Variants in GRIA4 observed in about 807,000 individuals in gnomAD.
GRIA4 encodes the protein glutamate ionotropic receptor AMPA type subunit 4, also known as glutamate receptor 4.
Under a neutral mutation model 104.0 loss-of-function variants are expected in GRIA4, and 34 were observed. The ratio of observed to expected loss-of-function variants is 0.33; its 90% CI spans 0.25 to 0.44. GRIA4 has a LOEUF of 0.44. Among genes scored for constraint, GRIA4 ranks in the 20% least tolerant of loss-of-function variants. The pLI, the probability that GRIA4 is intolerant of heterozygous loss-of-function variation, is 1.00. For missense variants in GRIA4, 750 were observed against 1,096.5 expected (o/e 0.68, Z 4.46); for synonymous variants, 386 against 381.9 (o/e 1.01, Z -0.13).
chr11:105,629,825 T>C (rs1340825420), intron 3 of GRIA4, among the ~76,000 whole-genome samples: 4 of 152,222 alleles, frequency 2.6e-5, no homozygotes, highest in African/African-American at 9.6e-5. Context: ...ATTGCCATGT[T>C]TGATCTCTTT....
chr11:105,894,023 A>G lies in GRIA4; in HGVS notation c.727-4246A>G, dbSNP rs73542819. On this transcript the variant is annotated intron_variant, in intron 6 of 16. Transcript: ENST00000282499. ...TGGGCATATAATAGGCATGAAATAA[A>G]TATCTGTTGAGTGAATTAATTGATA... Among the ~76,000 whole-genome samples the G allele has an allele frequency of 5.8e-3, 876 of 152,320 alleles. 12 individuals carry two copies. The highest frequency in any genetic ancestry group is 0.02 in the African/African-American group (834 of 41,564).
chr11:105,697,278 CT>C (rs1953315200), intron 3 of GRIA4, among the ~76,000 whole-genome samples: 2 of 152,256 alleles, frequency 1.3e-5, no homozygotes, highest in South Asian at 4.1e-4. Flanking sequence ...CTGATGAAAG[CT>C]AGAGTCTCTC....
intron 10 of GRIA4, among the ~76,000 whole-genome samples, chr11:105,910,829 A>AG (rs1782942580): frequency 6.6e-6 from 1 of 152,154 alleles, no homozygotes; most frequent in African/African-American, 2.4e-5. Context: ...TGAAATGCTA[A>AG]GACCCTAAAG....
rs1159937850 is a variant in GRIA4, at chr11:105,741,032, G to C, written c.248-11949G>C. Among the ~76,000 whole-genome samples the C allele has an allele frequency of 2.6e-5, 4 of 152,118 alleles. No individual in the cohort carries two copies. The East Asian group carries it at 7.7e-4, about 29-fold the overall frequency. ...GGAGGAAAACTGGTAATAGTTAGAA[G>C]AGTTAGGAGACTTGAAGCTGACTGG... On this transcript the variant is annotated intron_variant, in intron 3 of 16. Transcript: ENST00000282499.
intron 4 of GRIA4, among the ~76,000 whole-genome samples, chr11:105,793,574 G>A (rs1332374369): frequency 6.6e-6 from 1 of 152,152 alleles, no homozygotes; most frequent in African/African-American, 2.4e-5. Context: ...GGCAATGGAT[G>A]TTCACAGATT....
intron 3 of GRIA4, among the ~76,000 whole-genome samples, chr11:105,712,980 A>G (rs1265661488): frequency 2.6e-5 from 4 of 152,180 alleles, no homozygotes; most frequent in Admixed American, 6.6e-5. Context: ...TGAGATATTG[A>G]ATATCATAAT....
At chr11:105,810,824 C>T (rs1279704799) in intron 4 of GRIA4, among the ~76,000 whole-genome samples, 1 of 151,958 alleles carries the variant, frequency 6.6e-6, no homozygotes, top group Non-Finnish European at 1.5e-5. Flanking sequence ...AGACTTTTGG[C>T]ATAAGCCACA....
chr11:105,671,644 C>T (rs10895855), intron 3 of GRIA4, among the ~76,000 whole-genome samples: 134,370 of 138,796 alleles, frequency 0.97, 65,149 homozygotes, highest in Non-Finnish European at 1. Context: ...CACCACTGCA[C>T]TCCAGCCTGG....
At chr11:105,847,402 C>A (rs1265009905) in intron 4 of GRIA4, among the ~76,000 whole-genome samples, 2 of 152,114 alleles carry the variant, frequency 1.3e-5, no homozygotes, top group African/African-American at 4.8e-5. Flanking sequence ...GGGTTGGGGA[C>A]CTCTGCATTA....
Position 105,974,437 on chromosome 11 carries a change from G to T in GRIA4, c.2537G>T (p.Arg846Ile). 3 of 1,614,006 alleles carry T rather than the reference G, an allele frequency of 1.9e-6. No individual in the cohort carries two copies. The highest frequency in any genetic ancestry group is 2.5e-6 in the Non-Finnish European group (3 of 1,179,908). ...TACAAGTCCAGGGCAGAAGCGAAGA[G>T]AATGAAGGTGGCAAAGAGTGCACAG... Reference protein sequence around the residue: ...FCYKSRAEAKRMKLTFSEAIR... With the variant: ...FCYKSRAEAKIMKLTFSEAIR... Residue 846 changes from arginine (R) to isoleucine (I), a missense_variant, in exon 16 of 17, where the codon AGA (arginine) becomes ATA (isoleucine). Transcript: ENST00000282499.
chr11:105,767,244 C>T (rs1231481240), intron 4 of GRIA4, among the ~76,000 whole-genome samples: 2 of 152,008 alleles, frequency 1.3e-5, no homozygotes, highest in Non-Finnish European at 2.9e-5. Context: ...CTGAGGCCCG[C>T]TAATGAATGA....
intron 3 of GRIA4, among the ~76,000 whole-genome samples, chr11:105,633,794 AGTTT>A (rs1464571693): frequency 1.6e-4 from 25 of 152,170 alleles, no homozygotes; most frequent in Admixed American, 1.6e-3. Context: ...AATGACAACC[AGTTT>A]ACTATTTACA....
intron 3 of GRIA4, chr11:105,706,612 G>C (rs1255069517): frequency 6.5e-6 from 1 of 153,368 alleles, no homozygotes; most frequent in African/African-American, 2.4e-5. Flanking sequence ...GAAGAGGCCA[G>C]GGATGCACCA....
At chr11:105,693,252 A>G (rs2135500255) in intron 3 of GRIA4, among the ~76,000 whole-genome samples, 1 of 152,332 alleles carries the variant, frequency 6.6e-6, no homozygotes, top group East Asian at 1.9e-4. Flanking sequence ...ATGTTATGAA[A>G]TAGTTCTTAT....
chr11:105,701,452 T>G (rs1025331468), intron 3 of GRIA4, among the ~76,000 whole-genome samples: 1 of 152,178 alleles, frequency 6.6e-6, no homozygotes, highest in African/African-American at 2.4e-5. Context: ...TCAAGGAGCT[T>G]TAGAATATGT....
intron 3 of GRIA4, among the ~76,000 whole-genome samples, chr11:105,657,951 T>A (rs1951892651): frequency 6.6e-6 from 1 of 151,840 alleles, no homozygotes; most frequent in African/African-American, 2.4e-5. Flanking sequence ...AAAGTGTATT[T>A]TAAAATTTTA....
intron 5 of GRIA4, among the ~76,000 whole-genome samples, chr11:105,881,696 A>AACAC (rs35127883): frequency 1.0e-4 from 15 of 150,694 alleles, no homozygotes; most frequent in African/African-American, 3.4e-4. Flanking sequence ...GAAGAAAATA[A>AACAC]ACACACACAC....
At chr11:105,810,231 C>A (rs1165914463) in intron 4 of GRIA4, among the ~76,000 whole-genome samples, 3 of 152,182 alleles carry the variant, frequency 2.0e-5, no homozygotes, top group Admixed American at 6.6e-5. Flanking sequence ...TATTAATTTT[C>A]TACCTGCAAT....
At chr11:105,860,632 C>CT (rs899786988) in intron 4 of GRIA4, among the ~76,000 whole-genome samples, 7 of 152,118 alleles carry the variant, frequency 4.6e-5, no homozygotes, top group East Asian at 3.9e-4. Flanking sequence ...TTCAAAGAAT[C>CT]TTTTTTTTAT....
Sources: gnomAD v4.1 joint callset for allele counts (sites outside exome capture counted in the v4.1 genomes callset) on GRCh38, gnomAD v4.1.1 for gene constraint, MANE v1.5 for transcripts, NCBI Gene and HGNC (gene_info 2026-07-23, HGNC 2026-07-21) for gene names.